Variants in NRXN3 observed in about 807,000 individuals in gnomAD.
NRXN3 encodes the protein neurexin 3.
A neutral mutation model predicts 137.6 loss-of-function variants in NRXN3; 32 were observed. The observed-to-expected ratio is 0.23, with a 90% CI of 0.18 to 0.31. The LOEUF is 0.31. NRXN3 is among the 10% of genes least tolerant of loss of function. NRXN3 has a pLI of 1.00. For missense variants in NRXN3, 1,574 were observed against 2,062.5 expected (o/e 0.76, Z 4.59); for synonymous variants, 798 against 784.5 (o/e 1.02, Z -0.29).
intron 15 of NRXN3, among the ~76,000 whole-genome samples, chr14:79,384,367 C>T (rs2094548303): frequency 1.3e-5 from 2 of 152,006 alleles, no homozygotes; most frequent in Admixed American, 1.3e-4. Context: ...GGAAAAGGAG[C>T]CTCTTGACGT....
intron 16 of NRXN3, among the ~76,000 whole-genome samples, chr14:79,482,196 T>A (rs1164944078): frequency 6.6e-6 from 1 of 152,244 alleles, no homozygotes; most frequent in Non-Finnish European, 1.5e-5. Flanking sequence ...GTTATTATCA[T>A]TTAAACTCTA....
chr14:79,756,628 G>A (rs568717228), intron 19 of NRXN3, among the ~76,000 whole-genome samples: 1 of 152,294 alleles, frequency 6.6e-6, no homozygotes, highest in East Asian at 1.9e-4. Flanking sequence ...TGCCAAAGCA[G>A]ATAATGCCAG....
At chr14:79,204,079 G>A (rs1361556050) in intron 15 of NRXN3, among the ~76,000 whole-genome samples, 1 of 151,970 alleles carries the variant, frequency 6.6e-6, no homozygotes. Context: ...ACATCCCCCT[G>A]TGTGTGGCCC....
chr14:78,495,146 T>C (rs931649508), intron 4 of NRXN3, among the ~76,000 whole-genome samples: 5 of 149,426 alleles, frequency 3.3e-5, no homozygotes, highest in African/African-American at 1.2e-4. Context: ...TGCGTGTGTG[T>C]GTGTGTGTGT....
intron 4 of NRXN3, among the ~76,000 whole-genome samples, chr14:78,516,960 C>T (rs1236982716): frequency 2.0e-5 from 3 of 152,068 alleles, no homozygotes; most frequent in East Asian, 1.9e-4. Flanking sequence ...TTTCTTCAGT[C>T]TGAAAAAGAA....
At chr14:78,249,529 C>T (rs1004134637) in intron 2 of NRXN3, among the ~76,000 whole-genome samples, 6 of 152,066 alleles carry the variant, frequency 3.9e-5, no homozygotes, top group African/African-American at 1.2e-4. Context: ...GATGGGACTA[C>T]CATGACCCCC....
chr14:78,803,309 C>T (rs995022151), intron 8 of NRXN3, among the ~76,000 whole-genome samples: 1 of 152,086 alleles, frequency 6.6e-6, no homozygotes, highest in Non-Finnish European at 1.5e-5. Context: ...TTGTGAGGGG[C>T]GTTTTGACTT....
At chr14:78,341,143 CT>C (rs2082102544) in intron 4 of NRXN3, among the ~76,000 whole-genome samples, 1 of 152,108 alleles carries the variant, frequency 6.6e-6, no homozygotes, top group African/African-American at 2.4e-5. Flanking sequence ...GTAATAGTGG[CT>C]TTCCGAGGGT....
intron 1 of NRXN3, among the ~76,000 whole-genome samples, chr14:78,175,918 C>T (rs546162844): frequency 6.6e-6 from 1 of 152,300 alleles, no homozygotes; most frequent in South Asian, 2.1e-4. Context: ...TATATTGAAA[C>T]ATTTAAGATG....
chr14:78,647,437 T>A (rs1214619448), intron 5 of NRXN3, among the ~76,000 whole-genome samples: 1 of 152,222 alleles, frequency 6.6e-6, no homozygotes, highest in Non-Finnish European at 1.5e-5. Flanking sequence ...AAGCACCTTA[T>A]GTTCCAGAAG....
chr14:78,520,515 A>G (rs773487434), intron 4 of NRXN3, among the ~76,000 whole-genome samples: 5 of 152,204 alleles, frequency 3.3e-5, no homozygotes, highest in Admixed American at 2.0e-4. Flanking sequence ...ATGTCTCACA[A>G]TGATACAGAG....
chr14:78,699,012 C>T (rs959122807), intron 6 of NRXN3, among the ~76,000 whole-genome samples: 1 of 152,018 alleles, frequency 6.6e-6, no homozygotes, highest in Admixed American at 6.6e-5. Flanking sequence ...CATTTTTCCA[C>T]CTCCTCCTGT....
intron 15 of NRXN3, among the ~76,000 whole-genome samples, chr14:79,122,827 G>C (rs372192516): frequency 2.0e-5 from 3 of 152,080 alleles, no homozygotes; most frequent in Admixed American, 2.0e-4. Context: ...ACCTCTTCAA[G>C]TTTCTCACCT....
chr14:78,845,924 GTGTGTGTGTGTGTA>G (rs2099025593), intron 10 of NRXN3, among the ~76,000 whole-genome samples: 1 of 151,636 alleles, frequency 6.6e-6, no homozygotes, highest in Admixed American at 6.6e-5. Context: ...GTGTGTGTGT[GTGTGTGTGTGTGTA>G]TGTGTGTGTA....
chr14:79,625,578 C>T (rs1174968473), intron 16 of NRXN3, among the ~76,000 whole-genome samples: 1 of 151,492 alleles, frequency 6.6e-6, no homozygotes, highest in Non-Finnish European at 1.5e-5. Flanking sequence ...TAACAGTGTA[C>T]AGGCATTCCC....
At chr14:78,339,306 A>T (rs2081891140) in intron 4 of NRXN3, among the ~76,000 whole-genome samples, 1 of 152,194 alleles carries the variant, frequency 6.6e-6, no homozygotes. Context: ...AATGTTTAGA[A>T]TCTTGCTCAA....
intron 4 of NRXN3, among the ~76,000 whole-genome samples, chr14:78,388,380 G>T (rs555036328): frequency 2.6e-5 from 4 of 152,236 alleles, no homozygotes; most frequent in African/African-American, 9.6e-5. Flanking sequence ...AACCAACATT[G>T]AACTACTGAT....
chr14:78,290,462 A>G (rs1317169334), intron 3 of NRXN3, among the ~76,000 whole-genome samples: 1 of 152,114 alleles, frequency 6.6e-6, no homozygotes, highest in African/African-American at 2.4e-5. Context: ...AGGTCAGGGA[A>G]TTACTCAGGG....
intron 15 of NRXN3, among the ~76,000 whole-genome samples, chr14:79,337,885 TC>T (rs1329106485): frequency 6.6e-6 from 1 of 152,050 alleles, no homozygotes; most frequent in Non-Finnish European, 1.5e-5. Flanking sequence ...TTTTGCAAAC[TC>T]CCCGACACTC....
Sources: gnomAD v4.1 joint callset for allele counts (sites outside exome capture counted in the v4.1 genomes callset) on GRCh38, gnomAD v4.1.1 for gene constraint, MANE v1.5 for transcripts, NCBI Gene and HGNC (gene_info 2026-07-23, HGNC 2026-07-21) for gene names.